Variants in COL13A1 observed in about 807,000 individuals in gnomAD.
The protein encoded by COL13A1 is collagen alpha-1(XIII) chain.
COL13A1 carries 89 observed loss-of-function variants against 130.9 expected under a neutral mutation model. The observed-to-expected ratio is 0.68, with a 90% confidence interval of 0.57 to 0.81. The LOEUF is 0.81. COL13A1 is among the 30% of genes least tolerant of loss of function. COL13A1 has a pLI of 0.00. For synonymous variants in COL13A1, 402 were observed against 341.6 expected (o/e 1.18, Z -1.95); for missense variants, 879 against 934.6 (o/e 0.94, Z 0.78).
intron 2 of COL13A1, among the ~76,000 whole-genome samples, chr10:69,867,296 C>T (rs752939089): frequency 6.6e-6 from 1 of 152,238 alleles, no homozygotes; most frequent in Non-Finnish European, 1.5e-5. Context: ...CAGGACGGGC[C>T]AATGGGCCTC....
chr10:69,888,751 G>T (rs927414522), intron 9 of COL13A1, among the ~76,000 whole-genome samples: 1 of 152,070 alleles, frequency 6.6e-6, no homozygotes, highest in Non-Finnish European at 1.5e-5. Flanking sequence ...CTCCCTCCCC[G>T]ATTGAGACCC....
intron 7 of COL13A1, among the ~76,000 whole-genome samples, chr10:69,882,375 C>T (rs1276658680): frequency 6.7e-6 from 1 of 150,036 alleles, no homozygotes; most frequent in Non-Finnish European, 1.5e-5. Flanking sequence ...GCAGTAGAGC[C>T]TCTGCTCCTC....
At chr10:69,898,658 C>G (rs1469557826) in intron 13 of COL13A1, 39 bp from the exon 14 acceptor site, 1 of 1,589,802 alleles carries the variant, frequency 6.3e-7, no homozygotes, top group South Asian at 1.1e-5. Flanking sequence ...TGATCTTTGG[C>G]CTTTGCCCTC....
intron 7 of COL13A1, among the ~76,000 whole-genome samples, chr10:69,882,588 C>T (rs185374339): frequency 2.6e-5 from 4 of 152,322 alleles, no homozygotes; most frequent in South Asian, 4.1e-4. Flanking sequence ...TTTCCTAACT[C>T]GCCTGTGGTC....
At chr10:69,830,440 A>G (rs559074750) in intron 2 of COL13A1, among the ~76,000 whole-genome samples, 58 of 152,346 alleles carry the variant, frequency 3.8e-4, no homozygotes, top group African/African-American at 1.3e-3. Context: ...AGACTCAGCA[A>G]TTCCAGGGCT....
At position 69,944,966 on chromosome 10, in the gene COL13A1, G is replaced by A. The variant is rs75922838; in HGVS notation, c.1969-705G>A. Among the ~76,000 whole-genome samples, 6 of 152,364 alleles carry A rather than the reference G, an allele frequency of 3.9e-5. No individual in the cohort carries two copies. In the South Asian group the frequency reaches 8.3e-4, roughly 21 times the overall value. On this transcript the variant is annotated intron_variant, in intron 36 of 40. Transcript: ENST00000645393. ...GCTCCCACGGTCGCTGTCGATGGACGTTGGCCATGTCACAGGACTTGCAGT... is the reference window on the plus strand; with the variant it reads ...GCTCCCACGGTCGCTGTCGATGGACATTGGCCATGTCACAGGACTTGCAGT...
At chr10:69,890,494 A>G (rs1229984627) in intron 10 of COL13A1, among the ~76,000 whole-genome samples, 1 of 152,242 alleles carries the variant, frequency 6.6e-6, no homozygotes, top group Non-Finnish European at 1.5e-5. Context: ...TGGTGAAAGC[A>G]ACGCAGCAGG....
Position 69,930,518 on chromosome 10 carries a change from G to A in COL13A1, c.1649G>A (p.Gly550Glu). The A allele has an allele frequency of 3.7e-6, 6 of 1,613,504 alleles. No individual in the cohort carries two copies. The highest frequency in any genetic ancestry group is 5.1e-6 in the Non-Finnish European group (6 of 1,179,680). ...NGHPGSPGEK[G>E]EKGETGQAGS... ...CACCCAGGGAGCCCAGGAGAGAAGG[G>A]GGAAAAAGGGGAGACAGGACAAGCA... The change falls in exon 30 of 41, where the codon GGG becomes GAG. Residue 550 changes from glycine to glutamate, a missense_variant. Physicochemically the swap from Gly to Glu is moderately conservative, Grantham distance 98. This residue lies in a region of COL13A1 where 715 missense variants were observed against 721.0 expected (regional missense o/e 0.99). Coordinates refer to ENST00000645393, the MANE Select transcript of COL13A1 (RefSeq NM_001368882.1).
At chr10:69,862,475 A>G (rs1005466302) in intron 2 of COL13A1, among the ~76,000 whole-genome samples, 2 of 152,286 alleles carry the variant, frequency 1.3e-5, no homozygotes, top group South Asian at 2.1e-4. Flanking sequence ...ACAGGGCTTG[A>G]GTGTTCTCTT....
chr10:69,944,282 TCTC>T, intron 36 of COL13A1, 104 bp downstream of exon 36: 2 of 978,428 alleles, frequency 2.0e-6, no homozygotes, highest in South Asian at 1.3e-5. Flanking sequence ...TTCCATCTCT[TCTC>T]CTGGTCATCC....
At chr10:69,877,051 T>A (rs2059639006) in intron 5 of COL13A1, among the ~76,000 whole-genome samples, 1 of 152,202 alleles carries the variant, frequency 6.6e-6, no homozygotes, top group Non-Finnish European at 1.5e-5. Flanking sequence ...GTCTCCCTAC[T>A]TCCTTCTTAG....
rs776473774 is a variant in COL13A1 at position 69,880,551 on chromosome 10, C to T, written c.511C>T (p.Pro171Ser). The change falls in exon 7 of 41, where the codon CCT becomes TCT. Residue 171 changes from proline (P) to serine (S), a missense_variant and splice_region_variant. Physicochemically the swap from Pro to Ser is moderately conservative, Grantham distance 74 (BLOSUM62 -1). This residue lies in a region of COL13A1 where 715 missense variants were observed against 721.0 expected (regional missense o/e 0.99). Transcript: ENST00000645393. ...GLSIIGPRGP[P>S]GQPGTRGFPG... Reference sequence around the variant, plus strand: ...GTCCATCATTGGTCCCCGCGGCCCCCCTGTAAGTTGTTTTTGCTCTTCCTC... The same window carrying T: ...GTCCATCATTGGTCCCCGCGGCCCCTCTGTAAGTTGTTTTTGCTCTTCCTC... 1.9e-6 allele frequency: 3 copies of T among 1,613,318 alleles called. No individual in the cohort carries two copies. Among genetic ancestry groups the T allele is most frequent in the South Asian group, 2.2e-5 (2 of 91,046 alleles).
At chr10:69,921,757 G>A (rs1210638591) in intron 21 of COL13A1, 125 bp from the exon 22 acceptor site, 1 of 1,280,868 alleles carries the variant, frequency 7.8e-7, no homozygotes. Context: ...CAGAAAGCCA[G>A]CTGGGGGCAG....
At chr10:69,803,593 C>T (rs956240827) in intron 1 of COL13A1, among the ~76,000 whole-genome samples, 11 of 152,062 alleles carry the variant, frequency 7.2e-5, no homozygotes, top group Non-Finnish European at 1.0e-4. Context: ...AGGTGGGGGC[C>T]GCAGCAGTCT....
chr10:69,922,681 G>T, intron 22 of COL13A1, 27 bp from the exon 23 acceptor site: 2 of 1,571,760 alleles, frequency 1.3e-6, no homozygotes, highest in South Asian at 1.2e-5. Flanking sequence ...CCACACCAGG[G>T]ATGCTAACTC....
rs1332328407 is a variant in COL13A1, at chr10:69,953,107, T to C, written c.2145+139T>C. The C allele has an allele frequency of 1.6e-5, 9 of 575,998 alleles. No individual in the cohort carries two copies. In the East Asian group the frequency reaches 3.1e-4, roughly 20 times the overall value. 35.7% of individuals were successfully genotyped at this position (575,998 alleles called of 1,614,324 possible). A position where few individuals can be genotyped will look rare whatever the true frequency, so the allele number is the denominator to read the frequency against. ...ACCAAAATCTCTCTGTTCATTTGAC[T>C]GGTGAAATTCTGCCCGCTGTTGGAT... On this transcript the variant is annotated intron_variant, in intron 39 of 40. Coordinates refer to ENST00000645393, the MANE Select transcript of COL13A1 (RefSeq NM_001368882.1).
chr10:69,913,377 T>C (rs2063584643), intron 17 of COL13A1, among the ~76,000 whole-genome samples: 1 of 152,200 alleles, frequency 6.6e-6, no homozygotes, highest in South Asian at 2.1e-4. Context: ...CTGTGGGCTT[T>C]GCTGGACTGA....
At chr10:69,944,586 G>A (rs1302549667) in intron 36 of COL13A1, among the ~76,000 whole-genome samples, 2 of 151,440 alleles carry the variant, frequency 1.3e-5, no homozygotes, top group Non-Finnish European at 2.9e-5. Flanking sequence ...TTGAGCCCAG[G>A]AAGTGGAGGC....
At chr10:69,868,819 A>G (rs959493941) in intron 3 of COL13A1, among the ~76,000 whole-genome samples, 3 of 152,204 alleles carry the variant, frequency 2.0e-5, no homozygotes, top group Non-Finnish European at 4.4e-5. Context: ...AGGACCTGTC[A>G]TGTCATTACT....
Sources: gnomAD v4.1 joint callset for allele counts (sites outside exome capture counted in the v4.1 genomes callset) on GRCh38, gnomAD v4.1.1 for gene constraint, gnomAD v4.1.1 regional missense constraint, MANE v1.5 for transcripts, NCBI Gene and HGNC (gene_info 2026-07-23, HGNC 2026-07-21) for gene names.